Variants in ATP8B2 observed in about 807,000 individuals in gnomAD.
ATP8B2 encodes the protein ATPase phospholipid transporting 8B2, also known as phospholipid-transporting ATPase ID.
ATP8B2 carries 70 observed loss-of-function variants against 133.4 expected under a neutral mutation model. That is an observed-to-expected ratio of 0.52 (90% CI 0.43 to 0.64). The LOEUF (loss-of-function observed/expected upper bound fraction) is 0.64. Among genes scored for constraint, ATP8B2 ranks in the 30% least tolerant of loss-of-function variants. ATP8B2 has a pLI of 0.00. For synonymous variants in ATP8B2, 517 were observed against 589.5 expected, an observed-to-expected ratio of 0.88 and a Z score of 1.78; for missense variants, 1,101 against 1,535.7, an observed-to-expected ratio of 0.72 and a Z score of 4.73.
intron 1 of ATP8B2, among the ~76,000 whole-genome samples, chr1:154,327,409 T>A (rs530998319): frequency 7.7e-6 from 1 of 129,418 alleles, no homozygotes; most frequent in South Asian, 2.6e-4. Flanking sequence ...TGTGCCATAC[T>A]GACTGGACTA....
intron 1 of ATP8B2, among the ~76,000 whole-genome samples, chr1:154,327,276 G>A (rs1685820595): frequency 6.6e-6 from 1 of 152,206 alleles, no homozygotes; most frequent in Admixed American, 6.5e-5. Flanking sequence ...TTTGGGCCAG[G>A]CTGGGGAGTA....
intron 2 of ATP8B2, 50 bp from the exon 3 acceptor site, chr1:154,330,346 G>C (rs757656345): frequency 4.5e-5 from 70 of 1,553,546 alleles, no homozygotes; most frequent in Non-Finnish European, 5.9e-5. Flanking sequence ...GCAAAGTGTT[G>C]GTCCAGACCT....
chr1:154,327,807 C>T (rs748402110), intron 1 of ATP8B2: 40 of 1,613,578 alleles, frequency 2.5e-5, no homozygotes, highest in South Asian at 8.8e-5. Flanking sequence ...GGGATGGATA[C>T]CTTGAGAGCT....
At chr1:154,332,766 T>A in intron 9 of ATP8B2, 69 bp downstream of exon 9, 3 of 1,215,788 alleles carry the variant, frequency 2.5e-6, no homozygotes, top group Non-Finnish European at 2.4e-6. Context: ...GGGCGTTAAA[T>A]TATACATTTT....
chr1:154,337,240 A>G, intron 11 of ATP8B2, 108 bp from the exon 12 acceptor site: 1 of 1,318,022 alleles, frequency 7.6e-7, no homozygotes, highest in Non-Finnish European at 1.0e-6. Flanking sequence ...AGCTTGCACT[A>G]GAGCATCTGA....
At position 154,325,612 on chromosome 1, in the gene ATP8B2, C is replaced by T. The variant is rs967071732; in HGVS notation, c.-128C>T. The T allele has an allele frequency of 1.3e-5, 2 of 152,006 alleles. No homozygotes were observed. The highest frequency in any genetic ancestry group is 2.9e-5 in the Non-Finnish European group (2 of 68,046). 9.4% of individuals were successfully genotyped at this position (152,006 alleles called of 1,614,324 possible). Reference sequence around the variant, plus strand: ...GGCCGCAGCTGGGGGGGCGGGAGCCCGTGGGGAGCCGAGCCGAGCGCCCCC... The same window carrying T: ...GGCCGCAGCTGGGGGGGCGGGAGCCTGTGGGGAGCCGAGCCGAGCGCCCCC... On this transcript the variant is annotated 5_prime_UTR_variant, in exon 1 of 28. Coordinates refer to ENST00000368489, the MANE Select transcript of ATP8B2 (RefSeq NM_001370597.1).
chr1:154,333,343 A>C (rs1686066848), intron 9 of ATP8B2, among the ~76,000 whole-genome samples: 2 of 151,430 alleles, frequency 1.3e-5, no homozygotes, highest in Admixed American at 1.3e-4. Context: ...AAAGAAAAAA[A>C]AAATACAAAA....
At position 154,340,771 on chromosome 1, in the gene ATP8B2, G is replaced by C. The variant is rs959009536; in HGVS notation, c.1035-83G>C. 1.1e-5 allele frequency: 14 copies of C among 1,293,054 alleles called. No individual in the cohort carries two copies. The South Asian group carries it at 1.7e-4, about 16-fold the overall frequency. 80.1% of individuals were successfully genotyped at this position (1,293,054 alleles called of 1,614,324 possible). A position where few individuals can be genotyped will look rare whatever the true frequency, so the allele number is the denominator to read the frequency against. ...TCTCCGTTCTTGTCTCTCCCCAGGC[G>C]GAGGGCCTGCAGCGAAGGCCCATGT... is the stretch of plus-strand genomic sequence containing the variant. On this transcript the variant is annotated intron_variant, in intron 12 of 27. Transcript: ENST00000368489. The surrounding 1 kb of genome is among the most constrained non-coding windows in gnomAD (Gnocchi z 4.0).
Position 154,344,619 on chromosome 1 carries a change from C to G in ATP8B2, c.2142-22C>G. The G allele has an allele frequency of 1.2e-6, 2 of 1,606,832 alleles. No homozygotes were observed. Among genetic ancestry groups the G allele is most frequent in the Non-Finnish European group, 1.7e-6 (2 of 1,173,994 alleles). On this transcript the variant is annotated intron_variant, in intron 20 of 27. Transcript: ENST00000368489. This position sits in a 1 kb window ranked among gnomAD's most constrained non-coding sequence, Gnocchi z 4.1. ...CACTGCCGTTCTGGAAGACCACAACCGTATCATTTCCACCTCGACAGGAAA... is the reference window on the plus strand; with the variant it reads ...CACTGCCGTTCTGGAAGACCACAACGGTATCATTTCCACCTCGACAGGAAA...
At chr1:154,336,741 C>T (rs181804018) in intron 11 of ATP8B2, among the ~76,000 whole-genome samples, 3 of 148,182 alleles carry the variant, frequency 2.0e-5, no homozygotes, top group African/African-American at 7.5e-5. Context: ...ATGATCTGCC[C>T]GCCTTGGCCT....
In ATP8B2 at chr1:154,349,415, A is replaced by C; in HGVS notation, c.*297A>C. 2.3e-6 allele frequency: 1 copy of C among 438,088 alleles called. No homozygotes were observed. Among genetic ancestry groups the C allele is most frequent in the Non-Finnish European group, 4.2e-6 (1 of 238,060 alleles). 27.1% of individuals were successfully genotyped at this position (438,088 alleles called of 1,614,324 possible). A position where few individuals can be genotyped will look rare whatever the true frequency, so the allele number is the denominator to read the frequency against. On this transcript the variant is annotated 3_prime_UTR_variant, in exon 28 of 28. Transcript: ENST00000368489. The stretch of plus-strand genomic sequence containing the variant: ...CAAAAACAAGAAAAAACTGTGAGAG[A>C]TTGTGTCTGCCCCTGCCCTGCCTGG...
Position 154,348,858 on chromosome 1 carries a change from G to C in ATP8B2, c.3313G>C (p.Val1105Leu). The C allele has an allele frequency of 6.2e-7, 1 of 1,606,784 alleles. No individual in the cohort carries two copies. Among genetic ancestry groups the C allele is most frequent in the Non-Finnish European group, 8.5e-7 (1 of 1,174,888 alleles). ...TCTGCAGGTCCGCTACACACAGCTC[G>C]TGAGGAAGAAGCAGAAGGCCCAGCA... ...LSDTVRYTQL[V>L]RKKQKAQHRC... The change falls in exon 28 of 28, where the codon GTG (valine) becomes CTG (leucine). Residue 1105 changes from valine to leucine, a missense_variant. By Grantham distance (32) the Val-to-Leu change is conservative. Transcript: ENST00000368489.
rs1428764555 is a variant in ATP8B2, at chr1:154,349,482, A to G, written c.*364A>G. 1.2e-5 allele frequency: 3 copies of G among 242,482 alleles called. No homozygotes were observed. The South Asian group carries it at 2.3e-4, about 18-fold the overall frequency. The allele number at this position is 242,482 out of a possible 1,614,324, so 15.0% of individuals were successfully genotyped here. On this transcript the variant is annotated 3_prime_UTR_variant, in exon 28 of 28. Coordinates refer to ENST00000368489, the MANE Select transcript of ATP8B2 (RefSeq NM_001370597.1). ...ATAATCTCCTTATTTTTTTACTCCT[A>G]CTCCCCAGAGGGGCCCTAGTGCCTC...
At chr1:154,325,902 G>T (rs1255054648) in intron 1 of ATP8B2, among the ~76,000 whole-genome samples, 200 bp downstream of exon 1, 2 of 152,130 alleles carry the variant, frequency 1.3e-5, no homozygotes, top group African/African-American at 4.8e-5. Context: ...TCGGGTTCCC[G>T]GGGACGGGGC....
rs1686004269 is a variant in ATP8B2, at chr1:154,331,850, T to C, written c.439-104T>C. 1 of 1,365,046 alleles carries C rather than the reference T, an allele frequency of 7.3e-7. No homozygotes were observed. Among genetic ancestry groups the C allele is most frequent in the Non-Finnish European group, 1.0e-6 (1 of 957,916 alleles). 84.6% of individuals were successfully genotyped at this position (1,365,046 alleles called of 1,614,324 possible). On this transcript the variant is annotated intron_variant, in intron 7 of 27. Coordinates refer to ENST00000368489, the MANE Select transcript of ATP8B2 (RefSeq NM_001370597.1). This position sits in a 1 kb window ranked among gnomAD's most constrained non-coding sequence, Gnocchi z 4.8. Reference sequence around the variant, plus strand: ...GCCTGGAACTAGCCATTTATGCACCTGGAACTAAGCAAACCAAGAATGCTT... The same window carrying C: ...GCCTGGAACTAGCCATTTATGCACCCGGAACTAAGCAAACCAAGAATGCTT...
Position 154,332,794 on chromosome 1 carries a change from GTTA to G in ATP8B2, c.589+102_589+104del. ...TACATTTTCCTTTGGGCTTTTTGTT[GTTA>G]TTATGCAACTCCCTGGACTGTTTTG... On this transcript the variant is annotated intron_variant, in intron 9 of 27. Coordinates refer to ENST00000368489, the MANE Select transcript of ATP8B2 (RefSeq NM_001370597.1). 8.3e-6 allele frequency: 8 copies of G among 961,104 alleles called. No homozygotes were observed. The Admixed American group carries it at 1.5e-4, about 18-fold the overall frequency. The allele number at this position is 961,104 out of a possible 1,614,324, so 59.5% of individuals were successfully genotyped here.
intron 9 of ATP8B2, among the ~76,000 whole-genome samples, chr1:154,333,601 T>C (rs111301827): frequency 3.3e-5 from 5 of 151,342 alleles, no homozygotes; most frequent in Admixed American, 6.6e-5. Flanking sequence ...ATCCACACTT[T>C]TCATACATGT....
chr1:154,331,772 C>A lies in ATP8B2; in HGVS notation c.438+94C>A. 2.1e-6 allele frequency: 3 copies of A among 1,421,858 alleles called. No homozygotes were observed. The South Asian group carries it at 3.5e-5, about 16-fold the overall frequency. 88.1% of individuals were successfully genotyped at this position (1,421,858 alleles called of 1,614,324 possible). ...TCCTGATTTACTGTTGCCTCTTAAACACCCGTGGCAGGAATCTTTCTCACA... is the reference window on the plus strand; with the variant it reads ...TCCTGATTTACTGTTGCCTCTTAAAAACCCGTGGCAGGAATCTTTCTCACA... On this transcript the variant is annotated intron_variant, in intron 7 of 27. Transcript: ENST00000368489. This position sits in a 1 kb window ranked among gnomAD's most constrained non-coding sequence, Gnocchi z 4.8.
At chr1:154,341,090 G>A (rs535619842) in intron 13 of ATP8B2, 28 bp downstream of exon 13, 2 of 1,611,378 alleles carry the variant, frequency 1.2e-6, no homozygotes, top group South Asian at 1.1e-5. Context: ...GGGACTGGGG[G>A]CTTGCACCTC....
Sources: gnomAD v4.1 joint callset for allele counts (sites outside exome capture counted in the v4.1 genomes callset) on GRCh38, gnomAD v4.1.1 for gene constraint, Gnocchi (gnomAD v3.1) non-coding constraint, MANE v1.5 for transcripts, NCBI Gene and HGNC (gene_info 2026-07-23, HGNC 2026-07-21) for gene names.